The following C5 variants were observed in gnomAD, a reference collection of about 807,000 sequenced individuals.
C5 encodes the protein C3 and PZP-like alpha-2-macroglobulin domain-containing protein 4.
A neutral mutation model predicts 218.8 loss-of-function variants in C5; 140 were observed. That is an observed-to-expected ratio of 0.64 (90% CI 0.56 to 0.74). The LOEUF (loss-of-function observed/expected upper bound fraction) is 0.74, where lower values mean the gene tolerates loss of function less well. Ranked by LOEUF, C5 falls within the 30% of genes least tolerant of loss-of-function variation. The probability of loss-of-function intolerance (pLI) is 0.00; values close to 1 mark genes in which losing one functional copy is unlikely to be tolerated. For synonymous variants in C5, 614 were observed against 682.3 expected, an observed-to-expected ratio of 0.90 and a Z score of 1.56; for missense variants, 1,700 against 1,969.6, an observed-to-expected ratio of 0.86 and a Z score of 2.59.
rs764564891 is a variant in C5, at chr9:121,023,532, C to G, written c.1001-13G>C. 4 of 1,476,408 alleles carry G rather than the reference C, an allele frequency of 2.7e-6. No individual in the cohort carries two copies. Among genetic ancestry groups the G allele is most frequent in the African/African-American group, 2.8e-5 (2 of 72,170 alleles). 91.5% of individuals were successfully genotyped at this position (1,476,408 alleles called of 1,614,324 possible). ...TCAGAAAATCCACCTAAGGAAATGG[C>G]AAGCATCATGTTGACAGTTTTTAGG... is the stretch of plus-strand genomic sequence containing the variant. On this transcript the variant is annotated splice_polypyrimidine_tract_variant and intron_variant, in intron 9 of 40. Transcript: ENST00000223642.
At chr9:121,004,773 G>GA (rs926714636) in intron 20 of C5, among the ~76,000 whole-genome samples, 6 of 148,718 alleles carry the variant, frequency 4.0e-5, no homozygotes, top group South Asian at 2.1e-4. Flanking sequence ...ACCCCATCTT[G>GA]AAAAAAAAAG....
At chr9:120,982,868 T>G (rs2047005416) in intron 25 of C5, 54 bp from the exon 26 acceptor site, 3 of 951,386 alleles carry the variant, frequency 3.2e-6, no homozygotes, top group Admixed American at 4.5e-5. Context: ...CCCTTTTGAC[T>G]TTCAATTAAT....
At chr9:121,044,406 G>A (rs2047607656) in intron 2 of C5, among the ~76,000 whole-genome samples, 1 of 152,110 alleles carries the variant, frequency 6.6e-6, no homozygotes, top group Non-Finnish European at 1.5e-5. Flanking sequence ...AACCTGGGAG[G>A]CGAAGGCTGC....
At chr9:121,053,851 C>T (rs890646247), upstream of C5, among the ~76,000 whole-genome samples, 1 of 152,126 alleles carries the variant, frequency 6.6e-6, no homozygotes, top group African/African-American at 2.4e-5. Context: ...TTAGGCAGGC[C>T]TTGGGACAGA....
intron 19 of C5, among the ~76,000 whole-genome samples, chr9:121,006,634 G>A (rs1410361687): frequency 6.6e-6 from 1 of 152,192 alleles, no homozygotes; most frequent in East Asian, 1.9e-4. Context: ...CTTGAAACTA[G>A]GAGTTTGAGA....
intron 25 of C5, among the ~76,000 whole-genome samples, chr9:120,987,509 C>T (rs1319031583): frequency 1.3e-5 from 2 of 151,048 alleles, no homozygotes; most frequent in Non-Finnish European, 3.0e-5. Flanking sequence ...CATGGTGGTG[C>T]GCGCCTGTAA....
At chr9:121,002,401 T>G (rs1222157359) in intron 20 of C5, among the ~76,000 whole-genome samples, 1 of 149,368 alleles carries the variant, frequency 6.7e-6, no homozygotes, top group Non-Finnish European at 1.5e-5. Flanking sequence ...AGAGGAGCCC[T>G]TGCTGATCTC....
At chr9:121,006,420 A>G (rs1417647895) in intron 19 of C5, among the ~76,000 whole-genome samples, 1 of 152,244 alleles carries the variant, frequency 6.6e-6, no homozygotes, top group African/African-American at 2.4e-5. Context: ...GCAAACAAAC[A>G]AACAAAACCA....
chr9:121,063,445 T>A, the C5 span, among the ~76,000 whole-genome samples: 2 of 152,134 alleles, frequency 1.3e-5, no homozygotes, highest in Admixed American at 6.5e-5. Flanking sequence ...GTTCTTTAGA[T>A]GTGGTTTCTT....
chr9:120,992,033 C>T (rs1434541185), intron 22 of C5, among the ~76,000 whole-genome samples: 3 of 152,166 alleles, frequency 2.0e-5, no homozygotes, highest in Non-Finnish European at 1.5e-5. Context: ...CTGCAGAGCC[C>T]ACACTAGTCA....
intron 33 of C5, among the ~76,000 whole-genome samples, chr9:120,964,480 C>T (rs1458518786): frequency 6.6e-6 from 1 of 152,182 alleles, no homozygotes; most frequent in Admixed American, 6.5e-5. Context: ...AGCAAACAAA[C>T]AAACAAACAA....
chr9:120,989,129 G>A lies in C5; in HGVS notation c.3155-8C>T, dbSNP rs757894468. On this transcript the variant is annotated splice_polypyrimidine_tract_variant and splice_region_variant and intron_variant, in intron 24 of 40. Coordinates refer to ENST00000223642, the MANE Select transcript of C5 (RefSeq NM_001735.3). ...ACATAATGCTCAACATCCCTAAGAAGCACAAGAAAAAGAACACGGTGCTTA... is the reference window on the plus strand; with the variant it reads ...ACATAATGCTCAACATCCCTAAGAAACACAAGAAAAAGAACACGGTGCTTA... 2 of 1,610,472 alleles carry A rather than the reference G, an allele frequency of 1.2e-6. No homozygotes were observed. The highest frequency in any genetic ancestry group is 2.7e-5 in the African/African-American group (2 of 74,956).
chr9:120,989,607 A>G lies in C5; in HGVS notation c.3115T>C (p.Leu1039=). 1.9e-6 allele frequency: 3 copies of G among 1,611,914 alleles called. No homozygotes were observed. Among genetic ancestry groups the G allele is most frequent in the East Asian group, 2.2e-5 (1 of 44,858 alleles). Residue 1039 remains leucine, a synonymous_variant, in exon 24 of 41, where the codon TTA becomes CTA. Transcript: ENST00000223642. ...NHWNIFHSDP[L]IEKQKLKKKL... is the part of the protein sequence containing the mutation. ...TTCTTCAGTTTCTGCTTTTCAATTA[A>G]TGGGTCAGAATGAAAAATGTTCCAA...
At chr9:121,043,568 T>TG (rs2047599411) in intron 2 of C5, among the ~76,000 whole-genome samples, 1 of 152,036 alleles carries the variant, frequency 6.6e-6, no homozygotes, top group Non-Finnish European at 1.5e-5. Flanking sequence ...TCACTTACTC[T>TG]GTTGCCCAGG....
chr9:120,974,910 C>T lies in C5; in HGVS notation c.3886G>A (p.Gly1296Ser), dbSNP rs746691131. 6.2e-7 allele frequency: 1 copy of T among 1,614,152 alleles called. No individual in the cohort carries two copies. Among genetic ancestry groups the T allele is most frequent in the South Asian group, 1.1e-5 (1 of 91,080 alleles). ...ACCAGGAGTGAATATTCCGTCAGGC[C>T]CTCAATGGCATTGATTGTGTCCTGT... ...STQDTINAIEGLTEYSLLVKQ... is the reference protein window; with the variant it reads ...STQDTINAIESLTEYSLLVKQ... Residue 1296 changes from glycine (G) to serine (S), a missense_variant, in exon 30 of 41, where the codon GGC becomes AGC. By Grantham distance (56) the Gly-to-Ser change is moderately conservative. Coordinates refer to ENST00000223642, the MANE Select transcript of C5 (RefSeq NM_001735.3).
intron 23 of C5, 87 bp from the exon 24 acceptor site, chr9:120,989,867 G>C (rs1017642460): frequency 1.3e-5 from 14 of 1,080,840 alleles, no homozygotes; most frequent in Non-Finnish European, 1.7e-5. Context: ...ACCATCTAGA[G>C]ATGGTTCTTC....
chr9:120,953,150 TCCTGACCTTGTGATCTG>T (rs1236807881), intron 40 of C5, among the ~76,000 whole-genome samples: 1 of 152,182 alleles, frequency 6.6e-6, no homozygotes, highest in African/African-American at 2.4e-5. Flanking sequence ...GGTCTCGATC[TCCTGACCTTGTGATCTG>T]CCCGTCTTGG....
rs780051440 is a variant in C5 at position 120,970,251 on chromosome 9, C to T, written c.4081G>A (p.Val1361Ile). The T allele has an allele frequency of 6.2e-7, 1 of 1,606,744 alleles. No individual in the cohort carries two copies. The highest frequency in any genetic ancestry group is 8.5e-7 in the Non-Finnish European group (1 of 1,173,552). Residue 1361 changes from valine (V) to isoleucine (I), a missense_variant and splice_region_variant, in exon 32 of 41, where the codon GTA becomes ATA. Physicochemically the swap from Val to Ile is conservative, Grantham distance 29 (BLOSUM62 3). Transcript: ENST00000223642. ...CTGGTTTTGTGAACTACAGTTGTTA[C>T]CTACATTGGGGACAAGTAAGCAAGA... ...GFGSGLATVH[V>I]TTVVHKTSTS...
intron 10 of C5, among the ~76,000 whole-genome samples, chr9:121,022,411 T>G (rs2047374020): frequency 6.7e-6 from 1 of 148,898 alleles, no homozygotes; most frequent in African/African-American, 2.4e-5. Context: ...ATTTACATAT[T>G]TTAGTATATA....
Sources: allele counts gnomAD v4.1 joint callset (sites outside exome capture counted in the v4.1 genomes callset), GRCh38; gene constraint gnomAD v4.1.1; transcripts MANE v1.5; gene names NCBI Gene and HGNC (gene_info 2026-07-23, HGNC 2026-07-21).